Variants in MAP3K15 observed in about 807,000 individuals in gnomAD.
MAP3K15 encodes MAPK/ERK kinase kinase 15.
A neutral mutation model predicts 99.5 loss-of-function variants in MAP3K15; 124 were observed. The ratio of observed to expected loss-of-function variants is 1.25; its 90% CI spans 1.08 to 1.45. The LOEUF (loss-of-function observed/expected upper bound fraction) is 1.45. MAP3K15 is among the 40% of genes most tolerant of loss of function. MAP3K15 has a pLI of 0.00. For synonymous variants in MAP3K15, 494 were observed against 439.6 expected (o/e 1.12, Z -1.55); for missense variants, 1,242 against 1,079.7 (o/e 1.15, Z -2.11).
chrX:19,514,837 G>A (rs2064550078), intron 1 of MAP3K15, 64 bp downstream of exon 1: 4 of 599,093 alleles, frequency 6.7e-6, no homozygotes, highest in Non-Finnish European at 7.0e-6. Context: ...GGGGCGGGGC[G>A]GGTGCCCTGG....
intron 25 of MAP3K15, among the ~76,000 whole-genome samples, chrX:19,368,433 G>A (rs1437313114): frequency 8.8e-6 from 1 of 113,129 alleles, no homozygotes; most frequent in African/African-American, 3.2e-5. Context: ...GAGCCACCAC[G>A]CCCATCCACT....
At chrX:19,369,371 A>G in intron 24 of MAP3K15, 152 bp from the exon 25 acceptor site, 2 of 573,649 alleles carry the variant, frequency 3.5e-6, no homozygotes, top group Middle Eastern at 4.3e-4. Context: ...CAAATGGAGA[A>G]GAGACTGTTC....
chrX:19,450,906 T>C (rs2064032307), intron 6 of MAP3K15, among the ~76,000 whole-genome samples: 1 of 108,520 alleles, frequency 9.2e-6, no homozygotes, highest in Admixed American at 9.8e-5. Flanking sequence ...AAAATACAAC[T>C]GGCTTTTTGT....
At chrX:19,475,402 C>G (rs919185008) in intron 3 of MAP3K15, among the ~76,000 whole-genome samples, 1 of 111,096 alleles carries the variant, frequency 9.0e-6, no homozygotes, top group Non-Finnish European at 1.9e-5. Context: ...CTGTGCGGCC[C>G]GGTCGGGTGG....
intron 28 of MAP3K15, 93 bp downstream of exon 28, chrX:19,361,246 G>A (rs2063282723): frequency 1.4e-6 from 1 of 733,245 alleles, no homozygotes; most frequent in South Asian, 2.8e-5. Context: ...TCCAGAGTTT[G>A]GGGGGAGGCC....
At chrX:19,435,376 C>T (rs1200147457) in intron 6 of MAP3K15, among the ~76,000 whole-genome samples, 1 of 110,906 alleles carries the variant, frequency 9.0e-6, no homozygotes. Flanking sequence ...CAGGCACGTA[C>T]TACCACACCT....
At chrX:19,421,079 C>G (rs1296955039) in intron 9 of MAP3K15, among the ~76,000 whole-genome samples, 15 of 110,948 alleles carry the variant, frequency 1.4e-4, no homozygotes, top group African/African-American at 5.0e-4. Context: ...CAATATCATA[C>G]TGAATGGGCA....
chrX:19,453,919 G>A (rs1299158364), intron 6 of MAP3K15, among the ~76,000 whole-genome samples: 2 of 111,521 alleles, frequency 1.8e-5, no homozygotes, highest in Admixed American at 9.5e-5. Flanking sequence ...TAGAGATGAC[G>A]AGCTCACTCT....
At chrX:19,489,765 G>A (rs1293447345) in intron 1 of MAP3K15, among the ~76,000 whole-genome samples, 1 of 111,165 alleles carries the variant, frequency 9.0e-6, no homozygotes, top group Non-Finnish European at 1.9e-5. Context: ...GCTGGGTGCA[G>A]TGGCTCATGC....
chrX:19,514,810 C>A (rs1181086424), intron 1 of MAP3K15, 91 bp downstream of exon 1: 1 of 107,782 alleles, frequency 9.3e-6, no homozygotes, highest in Non-Finnish European at 1.4e-5. Flanking sequence ...GGGAGGGGGA[C>A]GGGGGAGAAG....
At chrX:19,371,568 T>G in intron 22 of MAP3K15, 38 bp from the exon 23 acceptor site, 1 of 1,144,275 alleles carries the variant, frequency 8.7e-7, no homozygotes, top group South Asian at 1.9e-5. Flanking sequence ...TGAGTCAGAT[T>G]GAGAGAGCGA....
At position 19,398,307 on chromosome X, in the gene MAP3K15, G is replaced by A. The variant is rs375002714; in HGVS notation, c.1985C>T (p.Thr662Met). 3 of 1,210,680 alleles carry A rather than the reference G, an allele frequency of 2.5e-6. No homozygotes were observed. Among genetic ancestry groups the A allele is most frequent in the African/African-American group, 3.5e-5 (2 of 57,668 alleles). ...TCGGCCAGCATACACAATCCCATAC[G>A]TGCCTTTCCCCAAGACAACTCTCTC... ...NGERVVLGKG[T>M]YGIVYAGRDL... The change falls in exon 15 of 29, where the codon ACG (threonine) becomes ATG (methionine). Residue 662 changes from threonine to methionine, a missense_variant. Thr to Met is a moderately conservative substitution (Grantham distance 81). Transcript: ENST00000338883.
Position 19,384,750 on chromosome X carries a change from A to G in MAP3K15, c.2432-4473T>C, listed in dbSNP as rs79503395. Among the ~76,000 whole-genome samples the G allele has an allele frequency of 4.5e-3, 196 of 43,830 alleles. 1 individual carries two copies. The highest frequency in any genetic ancestry group is 0.03 in the African/African-American group (125 of 4,110). 38.1% of individuals were successfully genotyped at this position (43,830 alleles called of 115,157 possible). On this transcript the variant is annotated intron_variant, in intron 18 of 28. Coordinates refer to ENST00000338883, the MANE Select transcript of MAP3K15 (RefSeq NM_001001671.4). ...TGGGAGTGAGACCTTGTCTCAGGGGAAAAAAAAAAAAAAAAAAAAAAAAAA... is the reference window on the plus strand; with the variant it reads ...TGGGAGTGAGACCTTGTCTCAGGGGGAAAAAAAAAAAAAAAAAAAAAAAAA...
chrX:19,402,259 C>T (rs2063614451), intron 13 of MAP3K15, among the ~76,000 whole-genome samples: 1 of 109,935 alleles, frequency 9.1e-6, no homozygotes, highest in African/African-American at 3.3e-5. Context: ...TGCGCCACTG[C>T]ACTCCAGCTG....
chrX:19,511,965 A>C (rs889753088), intron 1 of MAP3K15, among the ~76,000 whole-genome samples: 11 of 112,234 alleles, frequency 9.8e-5, no homozygotes, highest in Admixed American at 9.4e-4. Flanking sequence ...TTGCACATAT[A>C]CACAATGGAA....
chrX:19,422,251 G>A (rs1230623739), intron 9 of MAP3K15, among the ~76,000 whole-genome samples: 7 of 111,171 alleles, frequency 6.3e-5, no homozygotes, highest in East Asian at 5.6e-4. Context: ...GCAACCTACA[G>A]AATGGGAGAA....
intron 1 of MAP3K15, among the ~76,000 whole-genome samples, chrX:19,509,069 A>G (rs1055855402): frequency 2.7e-5 from 3 of 111,007 alleles, no homozygotes; most frequent in African/African-American, 9.8e-5. Flanking sequence ...CCAATCCACT[A>G]TATGTGCTAG....
In MAP3K15 at chrX:19,447,883, C is replaced by CAAAAAA. The variant is rs753152404; in HGVS notation, c.995+9024_995+9029dup. ...TGGGCGACAGAGCGAGACTCCGTCT[C>CAAAAAA]AAAAAAAAAAAAAAAAAAAAAAGAA... On this transcript the variant is annotated intron_variant, in intron 6 of 28. Coordinates refer to ENST00000338883, the MANE Select transcript of MAP3K15 (RefSeq NM_001001671.4). 2.7e-4 allele frequency among the ~76,000 whole-genome samples: 7 copies of CAAAAAA among 25,965 alleles called. 2 individuals are homozygous for CAAAAAA. The highest frequency in any genetic ancestry group is 2.8e-4 in the Non-Finnish European group (4 of 14,443). The allele number at this position is 25,965 out of a possible 115,157, so 22.5% of individuals were successfully genotyped here. A position where few individuals can be genotyped will look rare whatever the true frequency, so the allele number is the denominator to read the frequency against.
chrX:19,424,247 T>TATATATACACATATATATACAC (rs2063811094), intron 9 of MAP3K15, among the ~76,000 whole-genome samples: 1 of 101,350 alleles, frequency 9.9e-6, no homozygotes, highest in Non-Finnish European at 1.9e-5. Flanking sequence ...TATATATACA[T>TATATATACACATATATATACAC]ATATATACAC....
Sources: gnomAD v4.1 joint callset for allele counts (sites outside exome capture counted in the v4.1 genomes callset) on GRCh38, gnomAD v4.1.1 for gene constraint, MANE v1.5 for transcripts, NCBI Gene and HGNC (gene_info 2026-07-23, HGNC 2026-07-21) for gene names.